M6PR: variants seen among roughly 807,000 people sequenced by gnomAD.
M6PR encodes cation-dependent mannose-6-phosphate receptor.
M6PR carries 19 observed loss-of-function variants against 33.1 expected under a neutral mutation model. The observed-to-expected ratio is 0.57, with a 90% CI of 0.40 to 0.84. The LOEUF is 0.84. M6PR is among the 40% of genes least tolerant of loss of function. M6PR has a pLI of 0.00. For missense variants in M6PR, 295 were observed against 336.0 expected (o/e 0.88, Z 0.95); for synonymous variants, 111 against 123.4 (o/e 0.90, Z 0.67).
At chr12:8,943,220 G>A (rs1946048985) in intron 5 of M6PR, 185 bp downstream of exon 5, 1 of 726,986 alleles carries the variant, frequency 1.4e-6, no homozygotes, top group Non-Finnish European at 2.1e-6. Context: ...CCAAAGTGCT[G>A]GGATTACAGG....
intron 6 of M6PR, 121 bp downstream of exon 6, chr12:8,942,295 T>G (rs1946025989): frequency 2.2e-6 from 3 of 1,349,754 alleles, no homozygotes; most frequent in Middle Eastern, 2.3e-4. Flanking sequence ...CTGGGACTTT[T>G]GTGGTTTTAG....
At chr12:8,945,306 C>G (rs1805762) in intron 3 of M6PR, 112 bp downstream of exon 3, 62,665 of 1,122,512 alleles carry the variant, frequency 0.056, 2,708 homozygotes, top group East Asian at 0.24. Context: ...TGTGCCGAAC[C>G]ACACGTATGA....
At position 8,942,485 on chromosome 12, in the gene M6PR, T is replaced by C; in HGVS notation, c.642A>G (p.Val214=). 1 of 1,614,190 alleles carries C rather than the reference T, an allele frequency of 6.2e-7. No homozygotes were observed. Among genetic ancestry groups the C allele is most frequent in the Non-Finnish European group, 8.5e-7 (1 of 1,180,024 alleles). ...ACTGCTCCATTCCTTTGGCTCCCAC[T>C]ACCAGTCGCTGGTATAGGAACCCCC... ...VVGGFLYQRL[V]VGAKGMEQFP... Residue 214 remains valine (V), a synonymous_variant, in exon 6 of 7, where the codon GTA becomes GTG. Coordinates refer to ENST00000000412, the MANE Select transcript of M6PR (RefSeq NM_002355.4).
intron 6 of M6PR, 170 bp downstream of exon 6, chr12:8,942,246 G>GCTT (rs113307831): frequency 1.8e-5 from 15 of 824,552 alleles, no homozygotes; most frequent in African/African-American, 1.2e-4. Flanking sequence ...TGGATGCTGT[G>GCTT]CCACTTACTA....
At chr12:8,945,026 C>G (rs961348288) in intron 3 of M6PR, among the ~76,000 whole-genome samples, 1 of 152,098 alleles carries the variant, frequency 6.6e-6, no homozygotes, top group Non-Finnish European at 1.5e-5. Context: ...GGCATGATGG[C>G]ACACACCTGT....
chr12:8,941,696 CTG>C lies in M6PR; in HGVS notation c.*120_*121del. The C allele has an allele frequency of 7.8e-7, 1 of 1,278,564 alleles. No homozygotes were observed. Among genetic ancestry groups the C allele is most frequent in the Non-Finnish European group, 1.1e-6 (1 of 906,028 alleles). 79.2% of individuals were successfully genotyped at this position (1,278,564 alleles called of 1,614,324 possible). On this transcript the variant is annotated 3_prime_UTR_variant, in exon 7 of 7. Transcript: ENST00000000412. ...TGAGAAGATGCAAATCAAAAGCAAA[CTG>C]GAAAGCAAGAGCAATAGTAAGGGTG...
Position 8,941,620 on chromosome 12 carries a change from C to T in M6PR, c.*198G>A. On this transcript the variant is annotated 3_prime_UTR_variant, in exon 7 of 7. Transcript: ENST00000000412. Reference sequence around the variant, plus strand: ...TTAACTCTGACTTACAACTGTACCTCTCTAGAGAAAAAACAGAAAATAAGG... The same window carrying T: ...TTAACTCTGACTTACAACTGTACCTTTCTAGAGAAAAAACAGAAAATAAGG... 1 of 611,032 alleles carries T rather than the reference C, an allele frequency of 1.6e-6. No individual in the cohort carries two copies. The highest frequency in any genetic ancestry group is 2.8e-6 in the Non-Finnish European group (1 of 353,594). The allele number at this position is 611,032 out of a possible 1,614,324, so 37.9% of individuals were successfully genotyped here.
At chr12:8,946,680 A>G (rs1041871266) in intron 1 of M6PR, 13 of 300,816 alleles carry the variant, frequency 4.3e-5, no homozygotes, top group Non-Finnish European at 4.9e-5. Context: ...AGAACTTAAA[A>G]AAGAATGATG....
Position 8,942,429 on chromosome 12 carries a change from C to T in M6PR, c.698G>A (p.Gly233Asp). 6.2e-7 allele frequency: 1 copy of T among 1,614,150 alleles called. No homozygotes were observed. Among genetic ancestry groups the T allele is most frequent in the Non-Finnish European group, 8.5e-7 (1 of 1,180,006 alleles). ...FPHLAFWQDLGNLVADGCDFV... is the reference protein window; with the variant it reads ...FPHLAFWQDLDNLVADGCDFV... The stretch of plus-strand genomic sequence containing the variant: ...CCTGTTACTTACTGCTACCAGGTTG[C>T]CAAGATCCTGCCAGAAGGCTAAGTG... The change falls in exon 6 of 7, where the codon GGC becomes GAC. Residue 233 changes from glycine (G) to aspartate (D), a missense_variant. Coordinates refer to ENST00000000412, the MANE Select transcript of M6PR (RefSeq NM_002355.4).
At chr12:8,943,311 C>T in intron 5 of M6PR, 94 bp downstream of exon 5, 1 of 1,413,702 alleles carries the variant, frequency 7.1e-7, no homozygotes, top group Non-Finnish European at 9.8e-7. Context: ...GCATAATGTA[C>T]ACATACAATT....
intron 3 of M6PR, 151 bp downstream of exon 3, chr12:8,945,267 G>A: frequency 1.4e-6 from 1 of 710,030 alleles, no homozygotes; most frequent in Non-Finnish European, 2.4e-6. Flanking sequence ...TGTGGAATTA[G>A]GCATCCTGTG....
intron 5 of M6PR, 200 bp downstream of exon 5, chr12:8,943,205 G>T (rs1946048586): frequency 3.3e-6 from 2 of 613,472 alleles, no homozygotes; most frequent in South Asian, 4.1e-5. Context: ...ATCTGCCTTG[G>T]CTTCCCAAAG....
chr12:8,947,361 T>G (rs1311518163), intron 1 of M6PR, among the ~76,000 whole-genome samples: 2 of 152,082 alleles, frequency 1.3e-5, no homozygotes, highest in Non-Finnish European at 2.9e-5. Flanking sequence ...TGAATGCACT[T>G]TCCCCATTCC....
At position 8,943,875 on chromosome 12, in the gene M6PR, C is replaced by T; in HGVS notation, c.379G>A (p.Glu127Lys). Residue 127 changes from glutamate (E) to lysine (K), a missense_variant, in exon 4 of 7, where the codon GAA becomes AAA. Physicochemically the swap from Glu to Lys is moderately conservative, Grantham distance 56 (BLOSUM62 1). Transcript: ENST00000000412. ...WIMLIYKGGD[E>K]YDNHCGKEQR... ...TCCTTGCCACAGTGGTTGTCATATT[C>T]ATCACCCCCTTTATAGATCAGCATG... 1.2e-6 allele frequency: 2 copies of T among 1,613,826 alleles called. No homozygotes were observed. Among genetic ancestry groups the T allele is most frequent in the Non-Finnish European group, 1.7e-6 (2 of 1,179,948 alleles).
chr12:8,946,428 G>C (rs753568257), intron 1 of M6PR, 23 bp from the exon 2 acceptor site: 3 of 1,604,284 alleles, frequency 1.9e-6, no homozygotes, highest in Non-Finnish European at 8.5e-7. Flanking sequence ...GTGTGTGTTG[G>C]GGAGGGCAGG....
chr12:8,942,308 C>G, intron 6 of M6PR, 108 bp downstream of exon 6: 1 of 1,500,374 alleles, frequency 6.7e-7, no homozygotes, highest in Non-Finnish European at 9.2e-7. Flanking sequence ...GGTTTTAGCA[C>G]TCAATGTCCT....
At chr12:8,942,092 T>C in intron 6 of M6PR, 152 bp from the exon 7 acceptor site, 3 of 912,800 alleles carry the variant, frequency 3.3e-6, no homozygotes, top group Non-Finnish European at 4.9e-6. Flanking sequence ...CTAAATTCAA[T>C]TTGGGGCAAC....
chr12:8,945,417 CT>C lies in M6PR; in HGVS notation c.343del (p.Ser115ValfsTer6). ...RLNETHIFNG[S>X]NWIMLIYKGG... ...GATGGTAGGAAGGGGAGTTTTCTTACTTCCGTTGAAGATGTGAGTCTCGTTG... is the reference window on the plus strand; with the variant it reads ...GATGGTAGGAAGGGGAGTTTTCTTACTCCGTTGAAGATGTGAGTCTCGTTG... On this transcript the variant is annotated frameshift_variant and splice_region_variant, in exon 3 of 7. Transcript: ENST00000000412. LOFTEE classifies it high-confidence loss of function. The C allele has an allele frequency of 6.2e-7, 1 of 1,613,894 alleles. No individual in the cohort carries two copies. Among genetic ancestry groups the C allele is most frequent in the Non-Finnish European group, 8.5e-7 (1 of 1,179,910 alleles).
chr12:8,946,492 A>G, intron 1 of M6PR, 87 bp from the exon 2 acceptor site: 2 of 1,020,884 alleles, frequency 2.0e-6, no homozygotes, highest in African/African-American at 3.2e-5. Flanking sequence ...TAATAAATCG[A>G]TGGTATTTTA....
Sources: gnomAD v4.1 joint callset for allele counts (sites outside exome capture counted in the v4.1 genomes callset) on GRCh38, gnomAD v4.1.1 for gene constraint, MANE v1.5 for transcripts, NCBI Gene and HGNC (gene_info 2026-07-23, HGNC 2026-07-21) for gene names.